The following NRXN3 variants were observed in gnomAD, a reference collection of about 807,000 sequenced individuals.
The protein encoded by NRXN3 is neurexin 3.
A neutral mutation model predicts 137.6 loss-of-function variants in NRXN3; 32 were observed. The observed-to-expected ratio is 0.23, with a 90% confidence interval of 0.18 to 0.31. The LOEUF (loss-of-function observed/expected upper bound fraction) is 0.31, where lower values mean the gene tolerates loss of function less well. Among genes scored for constraint, NRXN3 ranks in the 10% least tolerant of loss-of-function variants. The pLI is 1.00. For missense variants in NRXN3, 1,574 were observed against 2,062.5 expected (o/e 0.76, Z 4.59); for synonymous variants, 798 against 784.5 (o/e 1.02, Z -0.29).
chr14:79,219,515 G>T (rs190851099), intron 15 of NRXN3, among the ~76,000 whole-genome samples: 2 of 152,020 alleles, frequency 1.3e-5, no homozygotes, highest in African/African-American at 2.4e-5. Context: ...GCATTGCTTT[G>T]GTGGAAAGAT....
chr14:79,107,990 C>G (rs560789921), intron 15 of NRXN3, among the ~76,000 whole-genome samples: 3 of 151,972 alleles, frequency 2.0e-5, no homozygotes, highest in African/African-American at 7.3e-5. Context: ...ATATAGTAAA[C>G]AAAATAATAA....
intron 19 of NRXN3, among the ~76,000 whole-genome samples, chr14:79,724,670 CCAAG>C (rs1477836387): frequency 5.3e-5 from 8 of 152,080 alleles, no homozygotes; most frequent in Non-Finnish European, 7.4e-5. Context: ...CTTCTATTTT[CCAAG>C]CATTTTGGAG....
chr14:79,758,162 T>C (rs975678168), intron 19 of NRXN3, among the ~76,000 whole-genome samples: 2 of 152,202 alleles, frequency 1.3e-5, no homozygotes, highest in African/African-American at 2.4e-5. Context: ...AGCAGGTTGA[T>C]TTCTAATTCC....
At chr14:79,476,666 T>C (rs2096562566) in intron 16 of NRXN3, among the ~76,000 whole-genome samples, 1 of 152,130 alleles carries the variant, frequency 6.6e-6, no homozygotes, top group South Asian at 2.1e-4. Context: ...TACTATCACT[T>C]TCCGCTAATA....
At position 79,366,524 on chromosome 14, in the gene NRXN3, T is replaced by A. The variant is rs375934715; in HGVS notation, c.3263-100697T>A. Among the ~76,000 whole-genome samples, 4 of 152,192 alleles carry A rather than the reference T, an allele frequency of 2.6e-5. No homozygotes were observed. In the South Asian group the frequency reaches 8.3e-4, roughly 31 times the overall value. ...TACTCTCTATCTTCATGAGTTCAAT[T>A]GTTTTAATTCTTAGCTCCCATATAA... is the stretch of plus-strand genomic sequence containing the variant. On this transcript the variant is annotated intron_variant, in intron 15 of 20. Transcript: ENST00000335750.
chr14:78,799,145 A>G, intron 8 of NRXN3, among the ~76,000 whole-genome samples: 1 of 152,206 alleles, frequency 6.6e-6, no homozygotes, highest in East Asian at 1.9e-4. Context: ...TTTCTTTTCT[A>G]TCACATTGTC....
At chr14:78,575,842 G>C (rs917969201) in intron 4 of NRXN3, among the ~76,000 whole-genome samples, 1 of 152,130 alleles carries the variant, frequency 6.6e-6, no homozygotes, top group African/African-American at 2.4e-5. Context: ...AGGGACCAAA[G>C]CAAGATGTTC....
chr14:79,439,578 A>T (rs929530429), intron 15 of NRXN3, among the ~76,000 whole-genome samples: 2 of 152,206 alleles, frequency 1.3e-5, no homozygotes, highest in Admixed American at 6.5e-5. Flanking sequence ...GGGTCTCTGG[A>T]GACCTGACCT....
At chr14:78,678,111 A>C (rs769217238) in intron 6 of NRXN3, among the ~76,000 whole-genome samples, 18 of 152,130 alleles carry the variant, frequency 1.2e-4, no homozygotes, top group Non-Finnish European at 2.5e-4. Context: ...CTGAACCCAC[A>C]ATATTAATAT....
chr14:79,345,644 C>T (rs968943758), intron 15 of NRXN3, among the ~76,000 whole-genome samples: 1 of 152,194 alleles, frequency 6.6e-6, no homozygotes, highest in Admixed American at 6.5e-5. Flanking sequence ...TGGTTTAGCA[C>T]CCTCCCTTTG....
intron 4 of NRXN3, among the ~76,000 whole-genome samples, chr14:78,520,909 A>C (rs899794405): frequency 9.8e-5 from 15 of 152,338 alleles, no homozygotes; most frequent in Middle Eastern, 3.4e-3. Flanking sequence ...GGTGCTGAGA[A>C]GTTAATATCT....
intron 15 of NRXN3, among the ~76,000 whole-genome samples, chr14:79,357,250 G>GT (rs1452841253): frequency 1.3e-5 from 2 of 151,972 alleles, no homozygotes; most frequent in African/African-American, 4.8e-5. Flanking sequence ...TTCTTTCTGT[G>GT]TAACAAATGA....
chr14:79,576,545 C>T (rs1270923793), intron 16 of NRXN3, among the ~76,000 whole-genome samples: 1 of 152,124 alleles, frequency 6.6e-6, no homozygotes, highest in African/African-American at 2.4e-5. Flanking sequence ...AGAGCTCTCC[C>T]AGCCCAGGAA....
At chr14:78,866,003 G>C (rs2099085771) in intron 10 of NRXN3, among the ~76,000 whole-genome samples, 1 of 152,058 alleles carries the variant, frequency 6.6e-6, no homozygotes, top group Non-Finnish European at 1.5e-5. Flanking sequence ...AAAGCCAAAT[G>C]GTGACTAATT....
intron 15 of NRXN3, among the ~76,000 whole-genome samples, chr14:79,349,805 C>T (rs2093113436): frequency 6.6e-6 from 1 of 152,010 alleles, no homozygotes; most frequent in Non-Finnish European, 1.5e-5. Flanking sequence ...AATTTTGATA[C>T]AGACATACAT....
chr14:78,351,945 G>C (rs2083571581), intron 4 of NRXN3, among the ~76,000 whole-genome samples: 1 of 151,864 alleles, frequency 6.6e-6, no homozygotes, highest in Non-Finnish European at 1.5e-5. Flanking sequence ...AAATTAGCCA[G>C]GTGTGTTGGC....
At chr14:78,539,690 A>G (rs2096570045) in intron 4 of NRXN3, among the ~76,000 whole-genome samples, 1 of 152,052 alleles carries the variant, frequency 6.6e-6, no homozygotes, top group Non-Finnish European at 1.5e-5. Context: ...TCGTTCTTTT[A>G]ATTGTAATGT....
chr14:79,533,088 T>TCTTAAA (rs2097183504), intron 16 of NRXN3, among the ~76,000 whole-genome samples: 2 of 151,740 alleles, frequency 1.3e-5, no homozygotes, highest in African/African-American at 2.4e-5. Context: ...TTTAATAATT[T>TCTTAAA]CTTATCAAGT....
rs1567120661 is a variant in NRXN3, at chr14:79,435,740, T to C, written c.3263-31481T>C. Among the ~76,000 whole-genome samples the C allele has an allele frequency of 1.3e-5, 2 of 152,034 alleles. 1 individual carries two copies. The highest frequency in any genetic ancestry group is 4.8e-5 in the African/African-American group (2 of 41,404). On this transcript the variant is annotated intron_variant, in intron 15 of 20. Coordinates refer to ENST00000335750, the MANE Select transcript of NRXN3 (RefSeq NM_001330195.2). ...GTCCCAATCTCCTGAGCTCAGGCTATCCTCCTGCCACAGCCTCCTGAGGAG... is the reference window on the plus strand; with the variant it reads ...GTCCCAATCTCCTGAGCTCAGGCTACCCTCCTGCCACAGCCTCCTGAGGAG...
Sources: gnomAD v4.1 joint callset for allele counts (sites outside exome capture counted in the v4.1 genomes callset) on GRCh38, gnomAD v4.1.1 for gene constraint, MANE v1.5 for transcripts, NCBI Gene and HGNC (gene_info 2026-07-23, HGNC 2026-07-21) for gene names.